The following TRPM3 variants were observed in gnomAD, a reference collection of about 807,000 sequenced individuals.
TRPM3 encodes transient receptor potential cation channel subfamily M member 3.
In TRPM3, 77 loss-of-function variants were observed where a neutral mutation model predicts 181.2. That is an observed-to-expected ratio of 0.42 (90% CI 0.35 to 0.51). TRPM3 has a LOEUF of 0.51. Among genes scored for constraint, TRPM3 ranks in the 20% least tolerant of loss-of-function variants. The probability of loss-of-function intolerance (pLI) is 0.01; values close to 1 mark genes in which losing one functional copy is unlikely to be tolerated. For missense variants in TRPM3, 1,759 were observed against 2,196.7 expected (o/e 0.80, Z 3.98); for synonymous variants, 745 against 796.4 (o/e 0.94, Z 1.09).
chr9:71,189,937 T>C (rs967158357), intron 1 of TRPM3, among the ~76,000 whole-genome samples: 15 of 152,052 alleles, frequency 9.9e-5, no homozygotes, highest in Non-Finnish European at 1.8e-4. Flanking sequence ...ACATGTGCTA[T>C]TCATATAAAA....
chr9:71,174,291 A>G (rs1831312), intron 1 of TRPM3, among the ~76,000 whole-genome samples: 14 of 151,912 alleles, frequency 9.2e-5, no homozygotes, highest in African/African-American at 3.4e-4. Flanking sequence ...CCTGTAATCC[A>G]AGCAATTTGG....
chr9:70,565,585 G>A (rs2050355488), intron 22 of TRPM3, among the ~76,000 whole-genome samples: 1 of 147,194 alleles, frequency 6.8e-6, no homozygotes, highest in Non-Finnish European at 1.5e-5. Context: ...GAGCCACTGT[G>A]CCCAGCCTAG....
Position 70,619,051 on chromosome 9 carries a change from T to C in TRPM3, c.2174A>G (p.Lys725Arg). 3 of 1,614,172 alleles carry C rather than the reference T, an allele frequency of 1.9e-6. No homozygotes were observed. The highest frequency in any genetic ancestry group is 2.5e-6 in the Non-Finnish European group (3 of 1,180,022). The change falls in exon 17 of 26, where the codon AAG becomes AGG. Residue 725 changes from lysine to arginine, a missense_variant. Coordinates refer to ENST00000677713, the MANE Select transcript of TRPM3 (RefSeq NM_001366145.2). ...TTTCATGGCCAGCTGTTCGTCCTGC[T>C]TGTAGGACTGGTCCAGGAGCTCCAC... ...LAVELLDQSY[K>R]QDEQLAMKLL...
Position 70,991,333 on chromosome 9 carries a change from AAAC to A in TRPM3, c.178-126825_178-126823del, listed in dbSNP as rs969265313. 1.4e-4 allele frequency among the ~76,000 whole-genome samples: 21 copies of A among 152,342 alleles called. No individual in the cohort carries two copies. The Middle Eastern group carries it at 0.014, about 99-fold the overall frequency. ...TAACAGCAGTTGTGACTTTGTCACC[AAAC>A]AAAATCAGATGTTTTTATATCTCAT... On this transcript the variant is annotated intron_variant, in intron 1 of 25. Transcript: ENST00000677713.
intron 1 of TRPM3, among the ~76,000 whole-genome samples, chr9:71,286,227 T>C (rs1347256243): frequency 3.3e-5 from 5 of 152,204 alleles, no homozygotes; most frequent in Non-Finnish European, 7.3e-5. Context: ...CCAATCAACT[T>C]GTTGATAAAT....
In TRPM3 at chr9:71,025,134, A is replaced by G. The variant is rs2097883529; in HGVS notation, c.177+96044T>C. Among the ~76,000 whole-genome samples, 7 of 152,216 alleles carry G rather than the reference A, an allele frequency of 4.6e-5. No homozygotes were observed. In the South Asian group the frequency reaches 1.4e-3, roughly 31 times the overall value. ...ATGTATTTATTTCTTACCAAAGTAA[A>G]AATGTATCATAGGTAATGCAATACT... On this transcript the variant is annotated intron_variant, in intron 1 of 25. Transcript: ENST00000677713.
At chr9:71,400,215 T>C (rs1229938099) in intron 1 of TRPM3, among the ~76,000 whole-genome samples, 1 of 152,028 alleles carries the variant, frequency 6.6e-6, no homozygotes, top group African/African-American at 2.4e-5. Flanking sequence ...CGCACCTCAG[T>C]CTCCTAAAGG....
At chr9:71,406,769 T>C (rs1282979005) in intron 1 of TRPM3, among the ~76,000 whole-genome samples, 1 of 151,990 alleles carries the variant, frequency 6.6e-6, no homozygotes, top group Non-Finnish European at 1.5e-5. Flanking sequence ...GGGTATTGAG[T>C]CCTCTTAGAA....
At chr9:71,044,964 C>T (rs1359409790) in intron 1 of TRPM3, among the ~76,000 whole-genome samples, 3 of 152,144 alleles carry the variant, frequency 2.0e-5, no homozygotes, top group African/African-American at 7.2e-5. Context: ...AACCACAGCG[C>T]CCGGCCATTT....
chr9:71,121,767 C>T (rs1023783388), upstream of TRPM3, among the ~76,000 whole-genome samples: 1 of 151,990 alleles, frequency 6.6e-6, no homozygotes, highest in South Asian at 2.1e-4. Flanking sequence ...GGGAAACTTG[C>T]ACTTTCTTGC....
chr9:70,881,660 C>T (rs775246131), intron 1 of TRPM3, among the ~76,000 whole-genome samples: 1 of 152,128 alleles, frequency 6.6e-6, no homozygotes, highest in Non-Finnish European at 1.5e-5. Flanking sequence ...AAATAGCAAA[C>T]GAAGACTTAG....
At chr9:70,549,177 A>G (rs2131807574) in intron 25 of TRPM3, among the ~76,000 whole-genome samples, 1 of 152,336 alleles carries the variant, frequency 6.6e-6, no homozygotes, top group South Asian at 2.1e-4. Context: ...GCAATAGTCT[A>G]CACAAAACAT....
intron 1 of TRPM3, among the ~76,000 whole-genome samples, chr9:70,991,994 G>T (rs1253782111): frequency 6.6e-6 from 1 of 152,126 alleles, no homozygotes; most frequent in Non-Finnish European, 1.5e-5. Context: ...CCTCCCTCTT[G>T]ACACTCTGTC....
intron 1 of TRPM3, among the ~76,000 whole-genome samples, chr9:71,015,371 G>A (rs891617513): frequency 6.6e-6 from 1 of 152,128 alleles, no homozygotes; most frequent in East Asian, 1.9e-4. Flanking sequence ...TGCCAATGTG[G>A]AGGCTGAAAT....
In TRPM3 at chr9:71,221,127, C is replaced by T. The variant is rs1363286359; in HGVS notation, c.183+225526G>A. Among the ~76,000 whole-genome samples the T allele has an allele frequency of 2.0e-5, 3 of 152,188 alleles. No individual in the cohort carries two copies. In the East Asian group the frequency reaches 5.8e-4, roughly 29 times the overall value. On this transcript the variant is annotated intron_variant, in intron 1 of 24. Coordinates refer to the TRPM3 transcript ENST00000357533. ...ACCATGTCTGAGGGAGTTCTTCACCCATTGCTTTAGGTACTAGATTAGGTT... is the reference window on the plus strand; with the variant it reads ...ACCATGTCTGAGGGAGTTCTTCACCTATTGCTTTAGGTACTAGATTAGGTT...
At chr9:71,069,938 G>C (rs2062512170) in intron 1 of TRPM3, among the ~76,000 whole-genome samples, 1 of 152,188 alleles carries the variant, frequency 6.6e-6, no homozygotes, top group African/African-American at 2.4e-5. Flanking sequence ...AGGTACTTTA[G>C]TGACTTCCCT....
chr9:71,308,134 C>T (rs1195226852), intron 1 of TRPM3, among the ~76,000 whole-genome samples: 1 of 151,990 alleles, frequency 6.6e-6, no homozygotes, highest in Non-Finnish European at 1.5e-5. Context: ...CCACACCTGG[C>T]TAATTTTGTA....
At chr9:70,867,775 C>CT (rs1293687894) in intron 1 of TRPM3, among the ~76,000 whole-genome samples, 1 of 152,008 alleles carries the variant, frequency 6.6e-6, no homozygotes, top group Non-Finnish European at 1.5e-5. Context: ...CTTTATCATG[C>CT]TTTTATTCAG....
chr9:71,053,726 T>G (rs901777706), intron 1 of TRPM3, among the ~76,000 whole-genome samples: 7 of 152,116 alleles, frequency 4.6e-5, no homozygotes, highest in Non-Finnish European at 8.8e-5. Context: ...CTGGTCTGCC[T>G]CCTCACACTC....
Sources: gnomAD v4.1 joint callset for allele counts (sites outside exome capture counted in the v4.1 genomes callset) on GRCh38, gnomAD v4.1.1 for gene constraint, MANE v1.5 for transcripts, NCBI Gene and HGNC (gene_info 2026-07-23, HGNC 2026-07-21) for gene names.